The following PVALB variants were observed in gnomAD, a reference collection of about 807,000 sequenced individuals.
PVALB encodes the protein parvalbumin, also known as parvalbumin alpha.
Under a neutral mutation model 10.9 loss-of-function variants are expected in PVALB, and 11 were observed. That is an observed-to-expected ratio of 1.01 (90% CI 0.63 to 1.67). PVALB has a LOEUF of 1.67. PVALB is among the 40% of genes most tolerant of loss of function. The pLI is 0.00. For missense variants in PVALB, 131 were observed against 136.2 expected, an observed-to-expected ratio of 0.96 and a Z score of 0.19; for synonymous variants, 57 against 50.7, an observed-to-expected ratio of 1.12 and a Z score of -0.53.
rs137928260 is a variant in PVALB, at chr22:36,815,119, C to T, written c.178G>A (p.Glu60Lys). Reference protein sequence around the residue: ...MLDKDKSGFIEEDELGFILKG... With the variant: ...MLDKDKSGFIKEDELGFILKG... ...TCCGCTTACCCCAGCTCATCCTCCTCGATGAAGCCACTTTTGTCCTTGTCC... is the reference window on the plus strand; with the variant it reads ...TCCGCTTACCCCAGCTCATCCTCCTTGATGAAGCCACTTTTGTCCTTGTCC... Residue 60 changes from glutamate to lysine, a missense_variant, in exon 2 of 4, where the codon GAG (glutamate) becomes AAG (lysine). Glu to Lys is a moderately conservative substitution (Grantham distance 56). Transcript: ENST00000417718. 3.0e-5 allele frequency: 49 copies of T among 1,614,124 alleles called. No individual in the cohort carries two copies. In the African/African-American group the frequency reaches 4.3e-4, roughly 14 times the overall value.
At position 36,804,881 on chromosome 22, in the gene PVALB, C is replaced by T. The variant is rs151324096; in HGVS notation, c.305-3963G>A. Among the ~76,000 whole-genome samples, 173 of 152,286 alleles carry T rather than the reference C, an allele frequency of 1.1e-3. 2 individuals carry two copies. Among genetic ancestry groups the T allele is most frequent in the African/African-American group, 4.0e-3 (165 of 41,556 alleles). On this transcript the variant is annotated intron_variant, in intron 3 of 3. Coordinates refer to ENST00000417718, the MANE Select transcript of PVALB (RefSeq NM_001315532.2). ...CCCGGGAGGTGGAGATTGCAGTGAG[C>T]TAAGATCACACCACTGCACTCCAGC...
At chr22:36,806,486 C>T (rs1347192452) in intron 3 of PVALB, among the ~76,000 whole-genome samples, 1 of 152,068 alleles carries the variant, frequency 6.6e-6, no homozygotes, top group African/African-American at 2.4e-5. Flanking sequence ...ACGCTGATGG[C>T]CCAAAGCGAA....
At chr22:36,806,371 T>C (rs1251385641) in intron 3 of PVALB, among the ~76,000 whole-genome samples, 2 of 152,182 alleles carry the variant, frequency 1.3e-5, no homozygotes, top group African/African-American at 4.8e-5. Context: ...GATTCTGTTC[T>C]TTTCTTTCCC....
intron 3 of PVALB, among the ~76,000 whole-genome samples, chr22:36,808,484 G>A (rs972493514): frequency 4.6e-5 from 7 of 152,100 alleles, no homozygotes; most frequent in African/African-American, 1.2e-4. Context: ...CACTTCTCAC[G>A]ATGCCTCAGT....
upstream of PVALB, chr22:36,817,062 C>A: frequency 6.6e-7 from 1 of 1,520,150 alleles, no homozygotes; most frequent in South Asian, 1.2e-5. Context: ...GTGCTTTTCT[C>A]ATCATTTCTG....
chr22:36,804,426 C>A (rs897255266), intron 3 of PVALB, among the ~76,000 whole-genome samples: 1 of 152,206 alleles, frequency 6.6e-6, no homozygotes, highest in Admixed American at 6.5e-5. Flanking sequence ...ATCACAGTAG[C>A]CACATGCGCT....
intron 3 of PVALB, among the ~76,000 whole-genome samples, chr22:36,803,796 A>T (rs536566580): frequency 3.5e-4 from 54 of 152,290 alleles, no homozygotes; most frequent in Admixed American, 1.4e-3. Flanking sequence ...TATAATTCAC[A>T]TGACAGTCTG....
chr22:36,804,620 G>A (rs2145946048), intron 3 of PVALB, among the ~76,000 whole-genome samples: 1 of 152,240 alleles, frequency 6.6e-6, no homozygotes, highest in Non-Finnish European at 1.5e-5. Flanking sequence ...CCTCTAAAAT[G>A]CCCAGGTCTC....
Position 36,817,024 on chromosome 22 carries a change from G to C in PVALB, c.-19C>G. The stretch of plus-strand genomic sequence containing the variant: ...TCGACATCCTGCAACTGTTTGAGCG[G>C]GCAGAGCAAGTGCGAAAAGATTAAA... On this transcript the variant is annotated 5_prime_UTR_variant, in exon 1 of 4. Transcript: ENST00000417718. 6.2e-7 allele frequency: 1 copy of C among 1,605,252 alleles called. No homozygotes were observed. Among genetic ancestry groups the C allele is most frequent in the East Asian group, 2.3e-5 (1 of 44,282 alleles).
chr22:36,801,485 T>A (rs1938864238), intron 3 of PVALB, among the ~76,000 whole-genome samples: 1 of 152,130 alleles, frequency 6.6e-6, no homozygotes, highest in Admixed American at 6.5e-5. Flanking sequence ...CTCAGGCAAG[T>A]GCCCATCGCC....
At position 36,817,018 on chromosome 22, in the gene PVALB, T is replaced by G. The variant is rs201427139; in HGVS notation, c.-13A>C. On this transcript the variant is annotated 5_prime_UTR_variant, in exon 1 of 4. Coordinates refer to ENST00000417718, the MANE Select transcript of PVALB (RefSeq NM_001315532.2). Reference sequence around the variant, plus strand: ...CTGTCATCGACATCCTGCAACTGTTTGAGCGGGCAGAGCAAGTGCGAAAAG... The same window carrying G: ...CTGTCATCGACATCCTGCAACTGTTGGAGCGGGCAGAGCAAGTGCGAAAAG... 4 of 1,607,942 alleles carry G rather than the reference T, an allele frequency of 2.5e-6. No homozygotes were observed. Among genetic ancestry groups the G allele is most frequent in the Non-Finnish European group, 3.4e-6 (4 of 1,177,584 alleles).
intron 3 of PVALB, among the ~76,000 whole-genome samples, chr22:36,802,603 C>CACAAAAAAAAAAAAAAA: frequency 3.6e-5 from 1 of 27,782 alleles, no homozygotes; most frequent in East Asian, 9.3e-4. Context: ...CCATCTCACA[C>CACAAAAAAAAAAAAAAA]AAAAAAAAAA....
chr22:36,815,419 A>C, intron 1 of PVALB, 184 bp from the exon 2 acceptor site: 3 of 783,664 alleles, frequency 3.8e-6, no homozygotes, highest in Non-Finnish European at 6.0e-6. Context: ...GTCCAAGGTC[A>C]CAAGGCTGGG....
intron 3 of PVALB, among the ~76,000 whole-genome samples, chr22:36,811,785 G>T (rs1202850426): frequency 6.6e-6 from 1 of 152,136 alleles, no homozygotes; most frequent in African/African-American, 2.4e-5. Flanking sequence ...TAAGCAGATT[G>T]GTGGGGATGG....
chr22:36,817,703 G>C (rs909430894), upstream of PVALB, among the ~76,000 whole-genome samples: 5 of 152,188 alleles, frequency 3.3e-5, no homozygotes, highest in African/African-American at 1.2e-4. Context: ...AACCTGATTT[G>C]ATGTTTTACT....
At chr22:36,802,525 C>A (rs1409869622) in intron 3 of PVALB, among the ~76,000 whole-genome samples, 1 of 138,654 alleles carries the variant, frequency 7.2e-6, no homozygotes, top group Non-Finnish European at 1.5e-5. Context: ...TGCTTGAACA[C>A]AGGAGGCAGA....
chr22:36,803,656 G>T (rs1938905305), intron 3 of PVALB, among the ~76,000 whole-genome samples: 1 of 141,156 alleles, frequency 7.1e-6, no homozygotes, highest in African/African-American at 2.6e-5. Context: ...AAGATGAATG[G>T]ATGGATGGGT....
At position 36,815,748 on chromosome 22, in the gene PVALB, G is replaced by A. The variant is rs569159879; in HGVS notation, c.62-513C>T. Among the ~76,000 whole-genome samples, 4 of 152,230 alleles carry A rather than the reference G, an allele frequency of 2.6e-5. No individual in the cohort carries two copies. The South Asian group carries it at 8.3e-4, about 32-fold the overall frequency. On this transcript the variant is annotated intron_variant, in intron 1 of 3. Coordinates refer to ENST00000417718, the MANE Select transcript of PVALB (RefSeq NM_001315532.2). The stretch of plus-strand genomic sequence containing the variant: ...TCAAGGTCATACAGTGGGAGGAGGA[G>A]GGGCAAACCCGGAAGTCCTGGCTCT...
chr22:36,812,327 T>A (rs1321179253), intron 3 of PVALB, among the ~76,000 whole-genome samples: 1 of 152,180 alleles, frequency 6.6e-6, no homozygotes, highest in Non-Finnish European at 1.5e-5. Context: ...GGCTAGATAC[T>A]GGGGCTAGAA....
Sources: allele counts gnomAD v4.1 joint callset (sites outside exome capture counted in the v4.1 genomes callset), GRCh38; gene constraint gnomAD v4.1.1; transcripts MANE v1.5; gene names NCBI Gene and HGNC (gene_info 2026-07-23, HGNC 2026-07-21).